PHF21A: variants seen among roughly 807,000 people sequenced by gnomAD.
The protein encoded by PHF21A is PHD finger protein 21A.
In PHF21A, 11 loss-of-function variants were observed where a neutral mutation model predicts 82.5. That is an observed-to-expected ratio of 0.13 (90% CI 0.08 to 0.22). The LOEUF (loss-of-function observed/expected upper bound fraction) is 0.22, where lower values mean the gene tolerates loss of function less well. Ranked by LOEUF, PHF21A falls within the 10% of genes least tolerant of loss-of-function variation. The pLI is 1.00. For synonymous variants in PHF21A, 297 were observed against 302.8 expected (o/e 0.98, Z 0.20); for missense variants, 579 against 837.8 (o/e 0.69, Z 3.81).
chr11:45,996,856 T>C (rs1427777629), intron 6 of PHF21A, among the ~76,000 whole-genome samples: 1 of 152,186 alleles, frequency 6.6e-6, no homozygotes, highest in Non-Finnish European at 1.5e-5. Context: ...CACAGTAACC[T>C]AAAAAAGGTC....
rs541507931 is a variant in PHF21A, at chr11:45,933,936, G to A, written c.*32C>T. On this transcript the variant is annotated 3_prime_UTR_variant, in exon 19 of 19. Coordinates refer to ENST00000676320, the MANE Select transcript of PHF21A (RefSeq NM_001352027.3). Reference sequence around the variant, plus strand: ...TCAGTGTTCTGTTCTCCTTGCCGCCGGGATCCCGTGGCTTCTCCTAGAGGG... The same window carrying A: ...TCAGTGTTCTGTTCTCCTTGCCGCCAGGATCCCGTGGCTTCTCCTAGAGGG... 1.1e-5 allele frequency: 17 copies of A among 1,485,510 alleles called. No homozygotes were observed. Among genetic ancestry groups the A allele is most frequent in the Middle Eastern group, 1.8e-4 (1 of 5,466 alleles). The allele number at this position is 1,485,510 out of a possible 1,614,324, so 92.0% of individuals were successfully genotyped here.
At chr11:45,957,766 A>T (rs1490546020) in intron 10 of PHF21A, among the ~76,000 whole-genome samples, 3 of 150,518 alleles carry the variant, frequency 2.0e-5, no homozygotes, top group Non-Finnish European at 3.0e-5. Flanking sequence ...AAAAAAAAAA[A>T]AAAGAAAAAA....
At chr11:46,032,530 A>C (rs2095887682) in intron 6 of PHF21A, among the ~76,000 whole-genome samples, 1 of 152,184 alleles carries the variant, frequency 6.6e-6, no homozygotes, top group Admixed American at 6.5e-5. Context: ...GAACATCCTT[A>C]TAAATGTATC....
chr11:46,021,421 T>TAC (rs2095628811), intron 6 of PHF21A, among the ~76,000 whole-genome samples: 1 of 152,100 alleles, frequency 6.6e-6, no homozygotes, highest in Admixed American at 6.5e-5. Flanking sequence ...GTATACACCA[T>TAC]ACCTCCATCA....
At position 46,041,809 on chromosome 11, in the gene PHF21A, C is replaced by T. The variant is rs192022276; in HGVS notation, c.153+34945G>A. ...GAACTATCACACATCTTTCTTCTCC[C>T]ATGAACCATCTGAAAGTACGCCAGA... On this transcript the variant is annotated intron_variant, in intron 6 of 18. Transcript: ENST00000676320. 9.5e-4 allele frequency among the ~76,000 whole-genome samples: 144 copies of T among 152,274 alleles called. 1 individual carries two copies. The Middle Eastern group carries it at 0.014, about 14-fold the overall frequency.
chr11:45,966,758 T>TACAGGC (rs1356354135), intron 9 of PHF21A, among the ~76,000 whole-genome samples: 2 of 152,120 alleles, frequency 1.3e-5, no homozygotes, highest in African/African-American at 4.8e-5. Flanking sequence ...TAGCTGGGGC[T>TACAGGC]ACAGGCACAT....
intron 6 of PHF21A, among the ~76,000 whole-genome samples, chr11:46,003,255 G>A (rs2095199864): frequency 1.3e-5 from 2 of 148,814 alleles, no homozygotes; most frequent in African/African-American, 2.5e-5. Flanking sequence ...GTGTATGGAG[G>A]AAAGAGCTTG....
rs61882483 is a variant in PHF21A at position 45,930,192 on chromosome 11, G to A, written c.*3776C>T. 3,128 of 152,386 alleles carry A rather than the reference G, an allele frequency of 0.021. 51 individuals are homozygous for A. Among genetic ancestry groups the A allele is most frequent in the Non-Finnish European group, 0.032 (2,159 of 68,092 alleles). The allele number at this position is 152,386 out of a possible 1,614,324, so 9.4% of individuals were successfully genotyped here. The stretch of plus-strand genomic sequence containing the variant: ...TGACAGCCCAAGGGAGGCTCTGATG[G>A]CCCCAAGAGAGAAGTATCAGAGGTG... On this transcript the variant is annotated 3_prime_UTR_variant, in exon 19 of 19. Transcript: ENST00000676320.
chr11:46,012,831 C>G (rs556014014), intron 6 of PHF21A, among the ~76,000 whole-genome samples: 7 of 152,332 alleles, frequency 4.6e-5, no homozygotes, highest in African/African-American at 1.7e-4. Context: ...CCTAAGAGCT[C>G]ATGCTGGGAT....
intron 3 of PHF21A, among the ~76,000 whole-genome samples, chr11:46,087,342 C>CA (rs1462175595): frequency 1.3e-5 from 2 of 152,176 alleles, no homozygotes; most frequent in Non-Finnish European, 1.5e-5. Context: ...GCCTGCAACT[C>CA]AAGTTAATGA....
intron 1 of PHF21A, among the ~76,000 whole-genome samples, chr11:46,097,445 A>G (rs1347773015): frequency 6.6e-6 from 1 of 152,070 alleles, no homozygotes; most frequent in Non-Finnish European, 1.5e-5. Context: ...GCTCTGGAAC[A>G]CTCTTTTCCT....
At chr11:46,023,887 C>A (rs897119804) in intron 6 of PHF21A, among the ~76,000 whole-genome samples, 4 of 152,082 alleles carry the variant, frequency 2.6e-5, no homozygotes, top group Non-Finnish European at 5.9e-5. Context: ...ACCCAGGAGG[C>A]GGAGGTTGCA....
chr11:46,117,748 A>T (rs1261734937), intron 1 of PHF21A, among the ~76,000 whole-genome samples: 1 of 152,178 alleles, frequency 6.6e-6, no homozygotes, highest in East Asian at 1.9e-4. Flanking sequence ...TCAACATCCC[A>T]CTCATCAACA....
chr11:45,996,248 G>C (rs1179595369), intron 6 of PHF21A, among the ~76,000 whole-genome samples: 1 of 152,096 alleles, frequency 6.6e-6, no homozygotes, highest in African/African-American at 2.4e-5. Flanking sequence ...TCTAACCTTT[G>C]ATAATGTGGC....
chr11:46,117,801 C>T (rs963804342), intron 1 of PHF21A: 13 of 152,204 alleles, frequency 8.5e-5, no homozygotes, highest in African/African-American at 2.9e-4. Context: ...CTAAACAGTG[C>T]TCTGTACCAA....
At chr11:45,942,192 T>A (rs1203893617) in intron 15 of PHF21A, among the ~76,000 whole-genome samples, 1 of 152,160 alleles carries the variant, frequency 6.6e-6, no homozygotes, top group Non-Finnish European at 1.5e-5. Flanking sequence ...TTCTTTTACC[T>A]GTAGATTTCT....
Position 45,950,213 on chromosome 11 carries a change from A to G in PHF21A, c.1140T>C (p.His380=). Reference sequence around the variant, plus strand: ...AAGAATATCTTCTCTTACCTTCTAGATGGTCATGTGTTACCAACCCTAGAG... The same window carrying G: ...AAGAATATCTTCTCTTACCTTCTAGGTGGTCATGTGTTACCAACCCTAGAG... The part of the protein sequence containing the change: ...MVSLGLVTHD[H]LEEIQSKRQE... Residue 380 remains histidine, a synonymous_variant, in exon 12 of 19, where the codon CAT becomes CAC. Transcript: ENST00000676320. The G allele has an allele frequency of 6.2e-7, 1 of 1,606,784 alleles. No homozygotes were observed. Among genetic ancestry groups the G allele is most frequent in the Non-Finnish European group, 8.5e-7 (1 of 1,175,616 alleles).
intron 7 of PHF21A, among the ~76,000 whole-genome samples, chr11:45,975,736 T>C (rs985463209): frequency 6.6e-6 from 1 of 152,232 alleles, no homozygotes; most frequent in African/African-American, 2.4e-5. Flanking sequence ...TAAGCATGAG[T>C]TGACGTTAAC....
rs60927389 is a variant in PHF21A, at chr11:45,950,528, CA to C, written c.1096-272del. 1.9e-3 allele frequency among the ~76,000 whole-genome samples: 275 copies of C among 144,032 alleles called. 1 individual carries two copies. The highest frequency in any genetic ancestry group is 5.4e-3 in the African/African-American group (211 of 39,210). 94.5% of individuals were successfully genotyped at this position (144,032 alleles called of 152,430 possible). A position where few individuals can be genotyped will look rare whatever the true frequency, so the allele number is the denominator to read the frequency against. On this transcript the variant is annotated intron_variant, in intron 11 of 18. Transcript: ENST00000676320. ...AACACTAATGATAGCTGATGAGCTT[CA>C]AAAAAAAAAAATCGCAAAAAAAACT...
Sources: gnomAD v4.1 joint callset for allele counts (sites outside exome capture counted in the v4.1 genomes callset) on GRCh38, gnomAD v4.1.1 for gene constraint, MANE v1.5 for transcripts, NCBI Gene and HGNC (gene_info 2026-07-23, HGNC 2026-07-21) for gene names.